The following DSE variants were observed in gnomAD, a reference collection of about 807,000 sequenced individuals.
DSE encodes dermatan-sulfate epimerase.
A neutral mutation model predicts 84.4 loss-of-function variants in DSE; 36 were observed. That is an observed-to-expected ratio of 0.43 (90% confidence interval 0.33 to 0.56). The LOEUF (loss-of-function observed/expected upper bound fraction) is 0.56. DSE is among the 20% of genes least tolerant of loss of function. The pLI is 0.06. For synonymous variants in DSE, 410 were observed against 430.1 expected, an observed-to-expected ratio of 0.95 and a Z score of 0.58; for missense variants, 862 against 1,169.6, an observed-to-expected ratio of 0.74 and a Z score of 3.84.
intron 2 of DSE, among the ~76,000 whole-genome samples, chr6:116,404,361 A>G (rs1206629810): frequency 6.6e-6 from 1 of 152,230 alleles, no homozygotes; most frequent in African/African-American, 2.4e-5. Context: ...AACTGAGATC[A>G]CTTATTGTTC....
At chr6:116,330,052 C>A (rs9481627) in intron 2 of DSE, among the ~76,000 whole-genome samples, 6,860 of 152,182 alleles carry the variant, frequency 0.045, 511 homozygotes, top group African/African-American at 0.15. Context: ...CTTGAACTCC[C>A]AACCTCAGGT....
At position 116,438,572 on chromosome 6, in the gene DSE, A is replaced by C. The variant is rs1199575531; in HGVS notation, c.*1227A>C. On this transcript the variant is annotated 3_prime_UTR_variant, in exon 6 of 6. Transcript: ENST00000644252. ...CAGCAGCATAGAATACTAGAAAAAT[A>C]ATCCATAGTTTCTACTTGAGCATAA... 1.3e-5 allele frequency: 2 copies of C among 152,174 alleles called. No homozygotes were observed. Among genetic ancestry groups the C allele is most frequent in the African/African-American group, 4.8e-5 (2 of 41,458 alleles). The allele number at this position is 152,174 out of a possible 1,614,324, so 9.4% of individuals were successfully genotyped here. A position where few individuals can be genotyped will look rare whatever the true frequency, so the allele number is the denominator to read the frequency against.
chr6:116,390,666 T>C (rs1381089169), intron 1 of DSE, among the ~76,000 whole-genome samples: 1 of 152,098 alleles, frequency 6.6e-6, no homozygotes, highest in East Asian at 1.9e-4. Context: ...AATAAAGAAA[T>C]ACTAATCAGA....
intron 2 of DSE, among the ~76,000 whole-genome samples, chr6:116,408,263 T>G (rs1226186265): frequency 1.3e-5 from 2 of 152,204 alleles, no homozygotes; most frequent in Admixed American, 6.5e-5. Context: ...TCCAGTGTGA[T>G]TCATATGTTC....
chr6:116,289,100 G>T lies in DSE; in HGVS notation c.-54+30133G>T, dbSNP rs141066826. 1.2e-4 allele frequency among the ~76,000 whole-genome samples: 19 copies of T among 152,078 alleles called. No individual in the cohort carries two copies. In the East Asian group the frequency reaches 2.9e-3, roughly 23 times the overall value. ...CTGAGCCATTACCCTTCAGAGAGAG[G>T]AATGAAGCTAAATGGGTCAAATTCA... On this transcript the variant is annotated intron_variant, in intron 2 of 3. Transcript: ENST00000430252.
chr6:116,328,004 C>A (rs1776726013), intron 2 of DSE, among the ~76,000 whole-genome samples: 1 of 152,198 alleles, frequency 6.6e-6, no homozygotes, highest in Admixed American at 6.5e-5. Flanking sequence ...AGTTCAGATT[C>A]TTTTCTGCTT....
At chr6:116,344,282 A>C (rs1777806593) in intron 2 of DSE, among the ~76,000 whole-genome samples, 1 of 152,196 alleles carries the variant, frequency 6.6e-6, no homozygotes, top group South Asian at 2.1e-4. Context: ...CAATACGGAG[A>C]ATGCCACAAA....
intron 2 of DSE, among the ~76,000 whole-genome samples, chr6:116,304,989 C>T (rs995386436): frequency 1.3e-5 from 2 of 152,070 alleles, no homozygotes; most frequent in African/African-American, 4.8e-5. Context: ...GACTTTTTTC[C>T]AGCTGCCTAG....
intron 1 of DSE, among the ~76,000 whole-genome samples, chr6:116,380,439 A>G (rs936596269): frequency 1.3e-5 from 2 of 152,094 alleles, no homozygotes; most frequent in African/African-American, 4.8e-5. Context: ...TTCCAAGGGC[A>G]GAAGAGGGGG....
At chr6:116,260,577 T>C (rs1772369943) in intron 2 of DSE, among the ~76,000 whole-genome samples, 2 of 152,238 alleles carry the variant, frequency 1.3e-5, no homozygotes, top group South Asian at 4.1e-4. Context: ...TCCAGAATGG[T>C]ATTTCCTAGG....
chr6:116,301,703 G>T (rs542859713), intron 2 of DSE, among the ~76,000 whole-genome samples: 66 of 152,138 alleles, frequency 4.3e-4, no homozygotes, highest in African/African-American at 1.5e-3. Flanking sequence ...TGTTACATAG[G>T]TATACACATG....
chr6:116,380,948 C>T (rs1207254473), intron 1 of DSE, among the ~76,000 whole-genome samples: 1 of 152,186 alleles, frequency 6.6e-6, no homozygotes, highest in Non-Finnish European at 1.5e-5. Flanking sequence ...CTTCCTTCTT[C>T]ACCTTAGCCA....
intron 2 of DSE, among the ~76,000 whole-genome samples, chr6:116,403,556 G>A (rs1781732473): frequency 1.3e-5 from 2 of 152,070 alleles, no homozygotes; most frequent in African/African-American, 4.8e-5. Context: ...GAAAAGAGGG[G>A]GGAAAGACTG....
intron 2 of DSE, chr6:116,279,878 A>G: frequency 6.2e-7 from 1 of 1,612,896 alleles, no homozygotes; most frequent in Non-Finnish European, 8.5e-7. Context: ...TTTTCCTCAG[A>G]GGCCGAACTG....
upstream of DSE, chr6:116,369,868 TTCA>T (rs1779400109): frequency 7.8e-7 from 1 of 1,284,308 alleles, no homozygotes; most frequent in Admixed American, 2.3e-5. Context: ...GGAGGTGCCC[TTCA>T]GAACTCATGG....
At chr6:116,362,396 GC>G (rs1778951801) in intron 2 of DSE, among the ~76,000 whole-genome samples, 2 of 152,156 alleles carry the variant, frequency 1.3e-5, no homozygotes. Flanking sequence ...TCATATGTAA[GC>G]CCCAACCCCC....
intron 2 of DSE, among the ~76,000 whole-genome samples, chr6:116,266,533 A>G (rs1772637148): frequency 6.6e-6 from 1 of 152,234 alleles, no homozygotes; most frequent in African/African-American, 2.4e-5. Context: ...AATTTTGAAT[A>G]GTAATTAAGA....
At chr6:116,292,759 A>G (rs1480483060) in intron 2 of DSE, among the ~76,000 whole-genome samples, 1 of 152,228 alleles carries the variant, frequency 6.6e-6, no homozygotes, top group East Asian at 1.9e-4. Context: ...ATATTACGTA[A>G]CCTTTAAAAG....
At chr6:116,418,779 G>A (rs957643179) in intron 2 of DSE, among the ~76,000 whole-genome samples, 1 of 152,112 alleles carries the variant, frequency 6.6e-6, no homozygotes, top group African/African-American at 2.4e-5. Context: ...AACCATTCTA[G>A]ATTCAGATAA....
Sources: allele counts gnomAD v4.1 joint callset (sites outside exome capture counted in the v4.1 genomes callset), GRCh38; gene constraint gnomAD v4.1.1; transcripts MANE v1.5; gene names NCBI Gene and HGNC (gene_info 2026-07-23, HGNC 2026-07-21).